The following NUP133 variants were observed in gnomAD, a reference collection of about 807,000 sequenced individuals.
NUP133 encodes nuclear pore complex protein Nup133.
Under a neutral mutation model 146.2 loss-of-function variants are expected in NUP133, and 66 were observed. The observed-to-expected ratio is 0.45, with a 90% CI of 0.37 to 0.55. NUP133 has a LOEUF of 0.55. NUP133 is among the 20% of genes least tolerant of loss of function. NUP133 has a pLI of 0.00. For synonymous variants in NUP133, 521 were observed against 498.8 expected (o/e 1.04, Z -0.59); for missense variants, 1,277 against 1,374.8 (o/e 0.93, Z 1.12).
At chr1:229,479,604 G>GTAGTGCTT (rs1661160688) in intron 12 of NUP133, among the ~76,000 whole-genome samples, 1 of 152,142 alleles carries the variant, frequency 6.6e-6, no homozygotes, top group Admixed American at 6.6e-5. Context: ...TGAAGAGATG[G>GTAGTGCTT]TAGTGCTTGT....
chr1:229,451,901 C>T (rs555485531), intron 22 of NUP133, among the ~76,000 whole-genome samples: 2 of 152,234 alleles, frequency 1.3e-5, no homozygotes, highest in East Asian at 3.9e-4. Flanking sequence ...CTTCCATTTC[C>T]AAATTAAATA....
intron 15 of NUP133, among the ~76,000 whole-genome samples, chr1:229,469,741 C>T (rs765732236): frequency 1.3e-5 from 2 of 152,254 alleles, no homozygotes; most frequent in African/African-American, 2.4e-5. Context: ...ATGGCAGGGC[C>T]TCACATTCAT....
intron 16 of NUP133, 76 bp downstream of exon 16, chr1:229,466,558 G>A: frequency 6.6e-7 from 1 of 1,517,214 alleles, no homozygotes; most frequent in South Asian, 1.2e-5. Context: ...ATACAGAGTA[G>A]GAACATGGAA....
intron 24 of NUP133, among the ~76,000 whole-genome samples, chr1:229,445,509 A>G (rs940077346): frequency 1.4e-4 from 22 of 152,138 alleles, no homozygotes; most frequent in Non-Finnish European, 1.6e-4. Context: ...GTGTAGAGAC[A>G]AAGTCTCGCT....
intron 19 of NUP133, among the ~76,000 whole-genome samples, chr1:229,462,651 G>A (rs1229460792): frequency 6.6e-6 from 1 of 151,774 alleles, no homozygotes; most frequent in Admixed American, 6.6e-5. Flanking sequence ...TTGACCTCCT[G>A]GGCTCAAACG....
chr1:229,499,946 C>T, intron 4 of NUP133, 128 bp from the exon 5 acceptor site: 8 of 1,129,996 alleles, frequency 7.1e-6, no homozygotes, highest in Non-Finnish European at 9.9e-6. Flanking sequence ...GAAATAAGAA[C>T]TCACCAGTGT....
intron 21 of NUP133, among the ~76,000 whole-genome samples, chr1:229,454,615 T>C (rs910576317): frequency 3.3e-5 from 5 of 152,244 alleles, no homozygotes; most frequent in Non-Finnish European, 5.9e-5. Flanking sequence ...ATTAGACACA[T>C]TGTGCTAACA....
Position 229,464,760 on chromosome 1 carries a change from C to T in NUP133, c.2415G>A (p.Leu805=), listed in dbSNP as rs182582935. Residue 805 remains leucine (L), a synonymous_variant, in exon 18 of 26, where the codon CTG becomes CTA. Transcript: ENST00000261396. ...CCAGGAAGCAATCGATCAGGGCTAC[C>T]AGCTGCTCGGTCACGATGTTTCGGA... ...SNLRNIVTEQ[L]VALIDCFLDG... is the part of the protein sequence containing the mutation. 1 of 1,614,074 alleles carries T rather than the reference C, an allele frequency of 6.2e-7. No individual in the cohort carries two copies. The highest frequency in any genetic ancestry group is 8.5e-7 in the Non-Finnish European group (1 of 1,180,034).
chr1:229,454,274 G>T (rs1225517684), intron 21 of NUP133, among the ~76,000 whole-genome samples: 1 of 152,326 alleles, frequency 6.6e-6, no homozygotes, highest in Non-Finnish European at 1.5e-5. Context: ...GTGCTGAGTT[G>T]CAGGAAAGGG....
chr1:229,478,839 T>C (rs1414668711), intron 12 of NUP133, among the ~76,000 whole-genome samples: 3 of 152,206 alleles, frequency 2.0e-5, no homozygotes, highest in African/African-American at 4.8e-5. Flanking sequence ...CACAGTCTGT[T>C]CCAGTGTCCC....
chr1:229,471,305 C>T (rs963341246), intron 14 of NUP133, among the ~76,000 whole-genome samples: 1 of 152,052 alleles, frequency 6.6e-6, no homozygotes, highest in Non-Finnish European at 1.5e-5. Context: ...GATGGGGTCT[C>T]ACTATGTTGC....
intron 15 of NUP133, among the ~76,000 whole-genome samples, chr1:229,468,309 C>T (rs994163226): frequency 6.6e-6 from 1 of 152,128 alleles, no homozygotes; most frequent in Admixed American, 6.6e-5. Flanking sequence ...CTTGTCACCC[C>T]CAAGTGGAAG....
chr1:229,478,498 G>A (rs1389926793), intron 12 of NUP133, among the ~76,000 whole-genome samples: 2 of 152,032 alleles, frequency 1.3e-5, no homozygotes, highest in Non-Finnish European at 2.9e-5. Context: ...ATCCACATCC[G>A]TCCGCAAGTA....
At chr1:229,490,401 T>TAA (rs201590753) in intron 8 of NUP133, among the ~76,000 whole-genome samples, 29 of 127,484 alleles carry the variant, frequency 2.3e-4, no homozygotes, top group African/African-American at 6.4e-4. Flanking sequence ...TATTCAGTAG[T>TAA]AAAAAAAAAA....
intron 10 of NUP133, among the ~76,000 whole-genome samples, chr1:229,486,987 G>GGTTTCTGTGCTT (rs1558103662): frequency 6.6e-6 from 1 of 151,122 alleles, no homozygotes; most frequent in Non-Finnish European, 1.5e-5. Context: ...TCTTGTGCTG[G>GGTTTCTGTGCTT]GACTAGAAAA....
At chr1:229,455,558 C>G (rs949260627) in intron 21 of NUP133, among the ~76,000 whole-genome samples, 1 of 152,098 alleles carries the variant, frequency 6.6e-6, no homozygotes, top group African/African-American at 2.4e-5. Context: ...GAGACCCTGT[C>G]TCAGAGAAAA....
intron 13 of NUP133, 141 bp downstream of exon 13, chr1:229,477,456 A>AAG: frequency 1.7e-6 from 1 of 591,662 alleles, no homozygotes; most frequent in South Asian, 4.9e-5. Context: ...AAAAAAAAAA[A>AAG]GGAAGGTCAC....
intron 2 of NUP133, among the ~76,000 whole-genome samples, chr1:229,505,674 G>T (rs921871784): frequency 1.3e-5 from 2 of 151,342 alleles, no homozygotes; most frequent in Non-Finnish European, 2.9e-5. Flanking sequence ...ATCACCTGAG[G>T]TCAGGAGTTC....
At chr1:229,452,228 G>A (rs1019820123) in intron 22 of NUP133, among the ~76,000 whole-genome samples, 3 of 152,148 alleles carry the variant, frequency 2.0e-5, no homozygotes, top group African/African-American at 7.2e-5. Flanking sequence ...GGGAAATAAA[G>A]TTATCTCATG....
Sources: gnomAD v4.1 joint callset for allele counts (sites outside exome capture counted in the v4.1 genomes callset) on GRCh38, gnomAD v4.1.1 for gene constraint, MANE v1.5 for transcripts, NCBI Gene and HGNC (gene_info 2026-07-23, HGNC 2026-07-21) for gene names.